FUBP3: variants seen among roughly 807,000 people sequenced by gnomAD.
FUBP3 encodes the protein far upstream element binding protein 3.
FUBP3 carries 28 observed loss-of-function variants against 85.6 expected under a neutral mutation model. The ratio of observed to expected loss-of-function variants is 0.33; its 90% CI spans 0.24 to 0.45. The LOEUF (loss-of-function observed/expected upper bound fraction) is 0.45, where lower values mean the gene tolerates loss of function less well. Ranked by LOEUF, FUBP3 falls within the 20% of genes least tolerant of loss-of-function variation. FUBP3 has a pLI of 1.00. For synonymous variants in FUBP3, 271 were observed against 271.4 expected (o/e 1.00, Z 0.01); for missense variants, 583 against 755.1 (o/e 0.77, Z 2.67).
rs899756007 is a variant in FUBP3 at position 130,586,850 on chromosome 9, A to G, written c.84+7086A>G. Among the ~76,000 whole-genome samples, 5 of 146,286 alleles carry G rather than the reference A, an allele frequency of 3.4e-5. No individual in the cohort carries two copies. The Admixed American group carries it at 3.6e-4, about 10-fold the overall frequency. On this transcript the variant is annotated intron_variant, in intron 1 of 18. Transcript: ENST00000319725. The stretch of plus-strand genomic sequence containing the variant: ...ACTGCAAGCTCAGCCTCCCAGGTTC[A>G]CACCATTCTCCTGCTCAGCCTCCTG...
At chr9:130,581,088 C>G (rs1830114584) in intron 1 of FUBP3, 2 of 152,292 alleles carry the variant, frequency 1.3e-5, no homozygotes, top group East Asian at 3.8e-4. Flanking sequence ...TCGCTCTGTG[C>G]TGATGTGTGA....
chr9:130,612,595 T>C lies in FUBP3; in HGVS notation c.274+90T>C. 1.2e-6 allele frequency: 1 copy of C among 853,064 alleles called. No homozygotes were observed. Among genetic ancestry groups the C allele is most frequent in the Non-Finnish European group, 2.0e-6 (1 of 503,948 alleles). 52.8% of individuals were successfully genotyped at this position (853,064 alleles called of 1,614,324 possible). A position where few individuals can be genotyped will look rare whatever the true frequency, so the allele number is the denominator to read the frequency against. ...GAGCTGCTTTGCCAGGATGTTCTTT[T>C]TGTTTTAATCTCTCTTGTGAGTATC... On this transcript the variant is annotated intron_variant, in intron 4 of 18. Transcript: ENST00000319725. The surrounding 1 kb of genome is among the most constrained non-coding windows in gnomAD (Gnocchi z 4.1).
intron 1 of FUBP3, 135 bp from the exon 2 acceptor site, chr9:130,595,348 C>T (rs1830818815): frequency 1.6e-6 from 1 of 610,160 alleles, no homozygotes; most frequent in African/African-American, 1.8e-5. Flanking sequence ...TATTTGTGCT[C>T]TTGCGGTGCT....
chr9:130,588,037 C>T lies in FUBP3; in HGVS notation c.85-7446C>T, dbSNP rs148243716. ...TGCAAGTAAGCAGGGCAGGATCAGC[C>T]GGGGCCCCATCTCTGATGACAACAA... is the stretch of plus-strand genomic sequence containing the variant. On this transcript the variant is annotated intron_variant, in intron 1 of 18. Transcript: ENST00000319725. Among the ~76,000 whole-genome samples, 419 of 152,212 alleles carry T rather than the reference C, an allele frequency of 2.8e-3. 3 individuals carry two copies. The highest frequency in any genetic ancestry group is 9.8e-3 in the African/African-American group (405 of 41,512).
At chr9:130,591,695 C>T (rs192492511) in intron 1 of FUBP3, among the ~76,000 whole-genome samples, 574 of 152,320 alleles carry the variant, frequency 3.8e-3, no homozygotes, top group Middle Eastern at 6.8e-3. Flanking sequence ...TTATTCTGTA[C>T]TACTACTCTC....
At chr9:130,584,106 G>C (rs1830242926) in intron 1 of FUBP3, among the ~76,000 whole-genome samples, 1 of 152,146 alleles carries the variant, frequency 6.6e-6, no homozygotes, top group African/African-American at 2.4e-5. Context: ...TGAAGTACCA[G>C]TTATTTCATA....
rs968156381 is a variant in FUBP3, at chr9:130,627,853, C to T, written c.1117+1348C>T. On this transcript the variant is annotated intron_variant, in intron 12 of 18. Transcript: ENST00000319725. Reference sequence around the variant, plus strand: ...CTTGTGTCTCTAAACCCTGACTGAGCATTGTTGCCTCACCATGACAGGTTC... The same window carrying T: ...CTTGTGTCTCTAAACCCTGACTGAGTATTGTTGCCTCACCATGACAGGTTC... Among the ~76,000 whole-genome samples the T allele has an allele frequency of 4.6e-5, 7 of 152,284 alleles. No homozygotes were observed. In the East Asian group the frequency reaches 1.4e-3, roughly 29 times the overall value.
At chr9:130,583,991 TCTTTCAAAGTG>T (rs1222024180) in intron 1 of FUBP3, among the ~76,000 whole-genome samples, 1 of 151,916 alleles carries the variant, frequency 6.6e-6, no homozygotes, top group Non-Finnish European at 1.5e-5. Context: ...CCCACCTCAG[TCTTTCAAAGTG>T]CTGGGATGGG....
At position 130,612,835 on chromosome 9, in the gene FUBP3, G is replaced by A; in HGVS notation, c.275-121G>A. On this transcript the variant is annotated intron_variant, in intron 4 of 18. Coordinates refer to ENST00000319725, the MANE Select transcript of FUBP3 (RefSeq NM_003934.2). The surrounding 1 kb of genome is among the most constrained non-coding windows in gnomAD (Gnocchi z 4.1). ...AAAGAGTGGAGATGGGCTCACGGGG[G>A]CCAACTCGATGTGTAGTATTGTGAG... 1.4e-6 allele frequency: 1 copy of A among 720,436 alleles called. No individual in the cohort carries two copies. 44.6% of individuals were successfully genotyped at this position (720,436 alleles called of 1,614,324 possible).
rs773413870 is a variant in FUBP3, at chr9:130,630,668, G to T, written c.1158G>T (p.Ala386=). The T allele has an allele frequency of 6.2e-7, 1 of 1,600,678 alleles. No individual in the cohort carries two copies. The highest frequency in any genetic ancestry group is 8.5e-7 in the Non-Finnish European group (1 of 1,173,710). ...AAAGCATCAACCAGCAGTCAGGGGC[G>T]CACGTGGAGCTTCAGAGGAACCCCC... The part of the protein sequence containing the change: ...NIKSINQQSG[A]HVELQRNPPP... The change falls in exon 13 of 19, where the codon GCG becomes GCT. Residue 386 remains alanine, a synonymous_variant. Coordinates refer to ENST00000319725, the MANE Select transcript of FUBP3 (RefSeq NM_003934.2).
intron 1 of FUBP3, among the ~76,000 whole-genome samples, chr9:130,591,511 C>A (rs761304055): frequency 2.6e-5 from 4 of 152,112 alleles, no homozygotes; most frequent in Non-Finnish European, 4.4e-5. Context: ...TTTTTTGGAA[C>A]AAGGTAGTAT....
intron 1 of FUBP3, among the ~76,000 whole-genome samples, chr9:130,580,180 G>A (rs1830074323): frequency 6.6e-6 from 1 of 152,180 alleles, no homozygotes; most frequent in South Asian, 2.1e-4. Context: ...GGGGAACATC[G>A]TCTTTAGACT....
In FUBP3 at chr9:130,616,027, A is replaced by G. The variant is rs1831990537; in HGVS notation, c.405-328A>G. ...GGAACAGAGAGATGTAAAGGGATGA[A>G]AGATGGTCTCTGCCTCCAGAGCAGC... On this transcript the variant is annotated intron_variant, in intron 6 of 18. Coordinates refer to ENST00000319725, the MANE Select transcript of FUBP3 (RefSeq NM_003934.2). This position sits in a 1 kb window ranked among gnomAD's most constrained non-coding sequence, Gnocchi z 4.7. 6.6e-6 allele frequency among the ~76,000 whole-genome samples: 1 copy of G among 152,194 alleles called. No homozygotes were observed. The highest frequency in any genetic ancestry group is 2.4e-5 in the African/African-American group (1 of 41,444).
chr9:130,580,985 C>G lies in FUBP3; in HGVS notation c.84+1221C>G, dbSNP rs532903276. 2.6e-5 allele frequency: 4 copies of G among 152,510 alleles called. No individual in the cohort carries two copies. The South Asian group carries it at 8.3e-4, about 32-fold the overall frequency. 9.4% of individuals were successfully genotyped at this position (152,510 alleles called of 1,614,324 possible). ...TGAACATGCCACCCAGCTCCCCTTCCACCACTCTGCTTGCTGGCGTGTTAC... is the reference window on the plus strand; with the variant it reads ...TGAACATGCCACCCAGCTCCCCTTCGACCACTCTGCTTGCTGGCGTGTTAC... On this transcript the variant is annotated intron_variant, in intron 1 of 18. Transcript: ENST00000319725.
In FUBP3 at chr9:130,587,073, TTTG is replaced by T. The variant is rs1564189152; in HGVS notation, c.84+7312_84+7314del. On this transcript the variant is annotated intron_variant, in intron 1 of 18. Transcript: ENST00000319725. ...GTTTTTTGTTTTTTTTTTTTGTTTG[TTTG>T]TTTTTTTGAGATGGAGTCTCACTCT... Among the ~76,000 whole-genome samples, 327 of 126,194 alleles carry T rather than the reference TTTG, an allele frequency of 2.6e-3. 5 individuals are homozygous for T. Among genetic ancestry groups the T allele is most frequent in the African/African-American group, 0.01 (297 of 29,664 alleles). 82.8% of individuals were successfully genotyped at this position (126,194 alleles called of 152,430 possible).
chr9:130,617,048 G>A (rs926112306), intron 7 of FUBP3, among the ~76,000 whole-genome samples: 1 of 152,166 alleles, frequency 6.6e-6, no homozygotes, highest in Non-Finnish European at 1.5e-5. Flanking sequence ...GCTGCTGTTA[G>A]TGCCAGAATC....
rs1030808072 is a variant in FUBP3, at chr9:130,592,303, A to T, written c.85-3180A>T. ...ATTTAAAGGGAACCGGGATAATTTCATATAGAGCTTGTCTTTTTGTTTTGT... is the reference window on the plus strand; with the variant it reads ...ATTTAAAGGGAACCGGGATAATTTCTTATAGAGCTTGTCTTTTTGTTTTGT... On this transcript the variant is annotated intron_variant, in intron 1 of 18. Coordinates refer to ENST00000319725, the MANE Select transcript of FUBP3 (RefSeq NM_003934.2). Among the ~76,000 whole-genome samples, 9 of 152,288 alleles carry T rather than the reference A, an allele frequency of 5.9e-5. No homozygotes were observed. The South Asian group carries it at 1.9e-3, about 32-fold the overall frequency.
At chr9:130,636,789 C>A (rs1472816412) in intron 18 of FUBP3, among the ~76,000 whole-genome samples, 1 of 152,146 alleles carries the variant, frequency 6.6e-6, no homozygotes, top group Non-Finnish European at 1.5e-5. Context: ...TGGGTCTGGT[C>A]CTGGGGAAAC....
intron 12 of FUBP3, among the ~76,000 whole-genome samples, chr9:130,629,626 G>A (rs1411214512): frequency 2.0e-5 from 3 of 152,186 alleles, no homozygotes; most frequent in South Asian, 2.1e-4. Flanking sequence ...GAGGATTGTG[G>A]ACGGTGTCTT....
Sources: gnomAD v4.1 joint callset for allele counts (sites outside exome capture counted in the v4.1 genomes callset) on GRCh38, gnomAD v4.1.1 for gene constraint, Gnocchi (gnomAD v3.1) non-coding constraint, MANE v1.5 for transcripts, NCBI Gene and HGNC (gene_info 2026-07-23, HGNC 2026-07-21) for gene names.